Variants in HHIPL2 observed in about 807,000 individuals in gnomAD.
HHIPL2 encodes HHIP like 2.
A neutral mutation model predicts 61.0 loss-of-function variants in HHIPL2; 61 were observed. The ratio of observed to expected loss-of-function variants is 1.00; its 90% CI spans 0.81 to 1.24. The LOEUF is 1.24. Among genes scored for constraint, HHIPL2 ranks in the 50% most tolerant of loss-of-function variants. The pLI, the probability that HHIPL2 is intolerant of heterozygous loss-of-function variation, is 0.00. For missense variants in HHIPL2, 885 were observed against 910.2 expected (o/e 0.97, Z 0.36); for synonymous variants, 343 against 357.4 (o/e 0.96, Z 0.45).
At chr1:222,544,724 A>G (rs914410982) in intron 1 of HHIPL2, among the ~76,000 whole-genome samples, 1 of 152,198 alleles carries the variant, frequency 6.6e-6, no homozygotes, top group Non-Finnish European at 1.5e-5. Context: ...TACAAATCTG[A>G]AACAATTTGG....
At chr1:222,537,114 A>G (rs1659316944) in intron 5 of HHIPL2, among the ~76,000 whole-genome samples, 1 of 152,152 alleles carries the variant, frequency 6.6e-6, no homozygotes. Flanking sequence ...CTGCTCTAGC[A>G]ATTTTTAAAT....
Position 222,543,527 on chromosome 1 carries a change from T to C in HHIPL2, c.974+10A>G. The C allele has an allele frequency of 6.2e-7, 1 of 1,604,284 alleles. No individual in the cohort carries two copies. The highest frequency in any genetic ancestry group is 8.5e-7 in the Non-Finnish European group (1 of 1,174,134). ...CAGTACAGCTGTAGGCTCTCATGAG[T>C]ACCTCTCACCTCTCTGATTTCAGGT... On this transcript the variant is annotated intron_variant, in intron 2 of 8. Coordinates refer to ENST00000343410, the MANE Select transcript of HHIPL2 (RefSeq NM_024746.4).
intron 5 of HHIPL2, among the ~76,000 whole-genome samples, chr1:222,535,024 A>G (rs1289377352): frequency 6.6e-6 from 1 of 152,202 alleles, no homozygotes; most frequent in Non-Finnish European, 1.5e-5. Flanking sequence ...ACTAAGGCAT[A>G]TTTTAATGAA....
chr1:222,529,676 C>T (rs897576143), intron 6 of HHIPL2, among the ~76,000 whole-genome samples: 1 of 152,216 alleles, frequency 6.6e-6, no homozygotes, highest in African/African-American at 2.4e-5. Flanking sequence ...TACAAATTTA[C>T]TGCAAACAGA....
intron 5 of HHIPL2, among the ~76,000 whole-genome samples, chr1:222,538,195 G>GGCGTGTGTGT (rs1356240657): frequency 7.3e-6 from 1 of 136,274 alleles, no homozygotes; most frequent in Non-Finnish European, 1.6e-5. Context: ...CTCTGGCTGG[G>GGCGTGTGTGT]GTGTGTGTGT....
chr1:222,531,166 G>A (rs4846370), intron 6 of HHIPL2, among the ~76,000 whole-genome samples: 74,818 of 151,674 alleles, frequency 0.49, 20,094 homozygotes, highest in African/African-American at 0.7. Flanking sequence ...TTTTTCTCAG[G>A]TTTCTAAATA....
chr1:222,531,587 A>C (rs755197096), intron 6 of HHIPL2, among the ~76,000 whole-genome samples: 6 of 152,068 alleles, frequency 3.9e-5, no homozygotes, highest in Non-Finnish European at 7.4e-5. Context: ...GTCTCTACTA[A>C]AAATACAAAC....
intron 5 of HHIPL2, among the ~76,000 whole-genome samples, chr1:222,533,022 A>C (rs1190385356): frequency 1.3e-5 from 2 of 152,224 alleles, no homozygotes; most frequent in African/African-American, 4.8e-5. Context: ...TTTTATGGAA[A>C]CAGAGATCCT....
intron 2 of HHIPL2, among the ~76,000 whole-genome samples, 182 bp downstream of exon 2, chr1:222,543,355 T>C (rs1659475974): frequency 6.6e-6 from 1 of 152,228 alleles, no homozygotes; most frequent in Non-Finnish European, 1.5e-5. Context: ...GATGGCTACA[T>C]CCCATTAAAC....
At position 222,523,681 on chromosome 1, in the gene HHIPL2, C is replaced by G. The variant is rs1351973420; in HGVS notation, c.1819G>C (p.Gly607Arg). ...GGCACTGGCTTGTATTTGCACTTGC[C>G]TGGGGGTGCTCGCCTAAAAACACAA... ...FVDPSRRAPP[G>R]KCKYKPVPVR... The change falls in exon 8 of 9, where the codon GGC becomes CGC. Residue 607 changes from glycine (G) to arginine (R), a missense_variant. Gly to Arg is a moderately radical substitution (Grantham distance 125, BLOSUM62 -2). Coordinates refer to ENST00000343410, the MANE Select transcript of HHIPL2 (RefSeq NM_024746.4). 1.2e-6 allele frequency: 2 copies of G among 1,614,164 alleles called. No homozygotes were observed. The highest frequency in any genetic ancestry group is 3.3e-5 in the Admixed American group (2 of 60,020).
At position 222,543,857 on chromosome 1, in the gene HHIPL2, G is replaced by T. The variant is rs375872765; in HGVS notation, c.654C>A (p.Asn218Lys). ...CCCCAGCATGGACCATGGAGACGGG[G>T]TTCCTCAGCCCGTTGGCCACCTCGC... ...CLSEVANGLRNPVSMVHAGDG... is the reference protein window; with the variant it reads ...CLSEVANGLRKPVSMVHAGDG... The change falls in exon 2 of 9, where the codon AAC (asparagine) becomes AAA (lysine). Residue 218 changes from asparagine (N) to lysine (K), a missense_variant. Transcript: ENST00000343410. 2 of 1,614,176 alleles carry T rather than the reference G, an allele frequency of 1.2e-6. No individual in the cohort carries two copies. Among genetic ancestry groups the T allele is most frequent in the Non-Finnish European group, 1.7e-6 (2 of 1,180,026 alleles).
chr1:222,530,704 G>A (rs1245005992), intron 6 of HHIPL2, among the ~76,000 whole-genome samples: 1 of 151,628 alleles, frequency 6.6e-6, no homozygotes, highest in Admixed American at 6.6e-5. Context: ...TTGAGACTCT[G>A]GTTTATACCT....
At chr1:222,537,432 A>T (rs546285983) in intron 5 of HHIPL2, among the ~76,000 whole-genome samples, 4 of 151,720 alleles carry the variant, frequency 2.6e-5, no homozygotes, top group African/African-American at 7.2e-5. Context: ...CCAGTTAAAA[A>T]ATAAGAGCAG....
intron 3 of HHIPL2, among the ~76,000 whole-genome samples, chr1:222,540,761 TAGA>T (rs1393193302): frequency 6.6e-6 from 1 of 152,248 alleles, no homozygotes; most frequent in Non-Finnish European, 1.5e-5. Flanking sequence ...AAGAACAGAA[TAGA>T]AGCTTCTGAG....
At chr1:222,546,047 A>AAAAAAAATAAATAAAT (rs1553271591) in intron 1 of HHIPL2, among the ~76,000 whole-genome samples, 1 of 141,280 alleles carries the variant, frequency 7.1e-6, no homozygotes, top group Non-Finnish European at 1.5e-5. Context: ...TCTGTCTCAA[A>AAAAAAAATAAATAAAT]AAATAAATAA....
chr1:222,537,444 C>T (rs2102617137), intron 5 of HHIPL2, among the ~76,000 whole-genome samples: 1 of 150,424 alleles, frequency 6.6e-6, no homozygotes, highest in Non-Finnish European at 1.5e-5. Context: ...TAAGAGCAGG[C>T]TTCAATTCAA....
At chr1:222,524,507 G>A (rs946008041) in intron 7 of HHIPL2, among the ~76,000 whole-genome samples, 4 of 152,220 alleles carry the variant, frequency 2.6e-5, no homozygotes, top group African/African-American at 4.8e-5. Context: ...CTAACAACCT[G>A]TGAAGTAAGT....
intron 1 of HHIPL2, among the ~76,000 whole-genome samples, chr1:222,544,714 T>C (rs1480077171): frequency 2.0e-5 from 3 of 152,162 alleles, no homozygotes; most frequent in African/African-American, 7.2e-5. Context: ...TATTTCTTTA[T>C]ACAAATCTGA....
intron 5 of HHIPL2, among the ~76,000 whole-genome samples, chr1:222,536,050 A>G (rs573297821): frequency 6.6e-6 from 1 of 152,202 alleles, no homozygotes; most frequent in African/African-American, 2.4e-5. Flanking sequence ...GAAAAGATGA[A>G]AGGTCTCAGA....
Sources: gnomAD v4.1 joint callset for allele counts (sites outside exome capture counted in the v4.1 genomes callset) on GRCh38, gnomAD v4.1.1 for gene constraint, MANE v1.5 for transcripts, NCBI Gene and HGNC (gene_info 2026-07-23, HGNC 2026-07-21) for gene names.